Variants in FAM120B observed in about 807,000 individuals in gnomAD.
FAM120B encodes constitutive coactivator of peroxisome proliferator-activated receptor gamma.
FAM120B carries 83 observed loss-of-function variants against 96.3 expected under a neutral mutation model. The ratio of observed to expected loss-of-function variants is 0.86; its 90% CI spans 0.72 to 1.03. FAM120B has a LOEUF of 1.03. FAM120B is among the 50% of genes least tolerant of loss of function. FAM120B has a pLI of 0.00. For missense variants in FAM120B, 1,027 were observed against 1,121.2 expected, an observed-to-expected ratio of 0.92 and a Z score of 1.20; for synonymous variants, 407 against 402.7, an observed-to-expected ratio of 1.01 and a Z score of -0.13.
At position 170,391,095 on chromosome 6, in the gene FAM120B, G is replaced by C. The variant is rs544872777; in HGVS notation, c.2573G>C (p.Arg858Pro). The change falls in exon 8 of 11, where the codon CGA (arginine) becomes CCA (proline). Residue 858 changes from arginine (R) to proline (P), a missense_variant. Arg to Pro is a moderately radical substitution (Grantham distance 103, BLOSUM62 -2). Transcript: ENST00000476287. Reference sequence around the variant, plus strand: ...AAGGAGAACAGACGCATCACTGGCCGAGCCCACTGGGGCTCACACCACGCA... The same window carrying C: ...AAGGAGAACAGACGCATCACTGGCCCAGCCCACTGGGGCTCACACCACGCA... ...CMKENRRITG[R>P]AHWGSHHAGR... The C allele has an allele frequency of 6.2e-7, 1 of 1,613,940 alleles. No homozygotes were observed. Among genetic ancestry groups the C allele is most frequent in the Non-Finnish European group, 8.5e-7 (1 of 1,179,942 alleles).
rs551134300 is a variant in FAM120B, at chr6:170,345,332, G to T, written c.2018-2819G>T. Among the ~76,000 whole-genome samples, 17 of 152,284 alleles carry T rather than the reference G, an allele frequency of 1.1e-4. No homozygotes were observed. The East Asian group carries it at 2.9e-3, about 26-fold the overall frequency. ...TTCAGAACTCTAACAGGCTGGGCAC[G>T]GTGACTCATGCCTATAATCCCAGCT... On this transcript the variant is annotated intron_variant, in intron 4 of 10. Coordinates refer to ENST00000476287, the MANE Select transcript of FAM120B (RefSeq NM_032448.3).
At chr6:170,327,258 G>C (rs549493584) in intron 3 of FAM120B, among the ~76,000 whole-genome samples, 2 of 152,082 alleles carry the variant, frequency 1.3e-5, no homozygotes, top group African/African-American at 4.8e-5. Context: ...GTGTTAGCCA[G>C]GATGATCTCG....
Position 170,348,328 on chromosome 6 carries a change from T to C in FAM120B, c.2190+5T>C, listed in dbSNP as rs776594871. 2 of 1,612,134 alleles carry C rather than the reference T, an allele frequency of 1.2e-6. No individual in the cohort carries two copies. Among genetic ancestry groups the C allele is most frequent in the South Asian group, 1.1e-5 (1 of 91,008 alleles). On this transcript the variant is annotated splice_donor_5th_base_variant and intron_variant, in intron 5 of 10. Coordinates refer to ENST00000476287, the MANE Select transcript of FAM120B (RefSeq NM_032448.3). The stretch of plus-strand genomic sequence containing the variant: ...TTGATCTACCTCTTTGTCCAGGTAA[T>C]GTCCAGCTGCCCGTTCTAGTCACTG...
upstream of FAM120B, among the ~76,000 whole-genome samples, chr6:170,304,954 C>T (rs1001764419): frequency 6.6e-6 from 1 of 152,126 alleles, no homozygotes; most frequent in African/African-American, 2.4e-5. Context: ...AGATCAGGCA[C>T]CAGCATGGTT....
At chr6:170,291,107 C>T (rs1562500142), upstream of FAM120B, 1 of 680,874 alleles carries the variant, frequency 1.5e-6, no homozygotes, top group Non-Finnish European at 2.7e-6. Context: ...CCCTCCTCCC[C>T]GCCCCCACCC....
intron 7 of FAM120B, among the ~76,000 whole-genome samples, chr6:170,388,842 A>G (rs1213388447): frequency 6.6e-6 from 1 of 152,186 alleles, no homozygotes; most frequent in Non-Finnish European, 1.5e-5. Context: ...CTCCCCCAAA[A>G]CGTTACTACA....
intron 6 of FAM120B, among the ~76,000 whole-genome samples, chr6:170,374,890 A>T (rs939829942): frequency 6.6e-6 from 1 of 152,256 alleles, no homozygotes; most frequent in Non-Finnish European, 1.5e-5. Context: ...GTTTGGTGCC[A>T]TCTGTCTTTA....
At chr6:170,310,501 G>A (rs1784529608) in intron 1 of FAM120B, among the ~76,000 whole-genome samples, 1 of 152,240 alleles carries the variant, frequency 6.6e-6, no homozygotes, top group African/African-American at 2.4e-5. Context: ...GTGAAAGGCA[G>A]CTGGGATCTG....
chr6:170,340,467 AC>A (rs1291341935), intron 4 of FAM120B, among the ~76,000 whole-genome samples: 1 of 152,110 alleles, frequency 6.6e-6, no homozygotes, highest in Non-Finnish European at 1.5e-5. Context: ...GTTTGTTATT[AC>A]CCATCTTCTG....
chr6:170,290,868 G>A, upstream of FAM120B: 1 of 667,112 alleles, frequency 1.5e-6, no homozygotes, highest in South Asian at 1.6e-5. This position sits in a 1 kb window ranked among gnomAD's most constrained non-coding sequence, Gnocchi z 4.7. Flanking sequence ...GCGGCTGCCC[G>A]GGTTCCCCTG....
Position 170,317,823 on chromosome 6 carries a change from C to G in FAM120B, c.433C>G (p.Leu145Val), listed in dbSNP as rs1328475235. Residue 145 changes from leucine to valine, a missense_variant, in exon 2 of 11, where the codon CTA becomes GTA. This residue lies in a region of FAM120B where 880 missense variants were observed against 980.9 expected (regional missense o/e 0.90). Coordinates refer to ENST00000476287, the MANE Select transcript of FAM120B (RefSeq NM_032448.3). ...SGLAVFTRFA[L>V]KTLGQETLCS... ...GCTAGCTGTGTTTACACGATTTGCT[C>G]TAAAGACACTGGGCCAGGAAACTTT... The G allele has an allele frequency of 1.9e-6, 3 of 1,614,088 alleles. No homozygotes were observed. Among genetic ancestry groups the G allele is most frequent in the Non-Finnish European group, 2.5e-6 (3 of 1,180,046 alleles).
chr6:170,350,734 ACAACAT>A (rs1318885779), intron 5 of FAM120B, among the ~76,000 whole-genome samples: 1 of 146,958 alleles, frequency 6.8e-6, no homozygotes, highest in Non-Finnish European at 1.5e-5. Flanking sequence ...ACAGAAAACA[ACAACAT>A]CAACAAAAAA....
chr6:170,389,575 T>C (rs1047318014), intron 7 of FAM120B, among the ~76,000 whole-genome samples: 1 of 152,084 alleles, frequency 6.6e-6, no homozygotes, highest in Non-Finnish European at 1.5e-5. Flanking sequence ...CTTTTTTTTT[T>C]TGAAACAGGG....
chr6:170,299,993 C>T (rs1279814396), intron 1 of FAM120B, among the ~76,000 whole-genome samples: 3 of 152,222 alleles, frequency 2.0e-5, no homozygotes, highest in East Asian at 3.8e-4. Flanking sequence ...TAAAACACTT[C>T]AGCAGCATTT....
intron 6 of FAM120B, among the ~76,000 whole-genome samples, chr6:170,362,571 A>T (rs1276592085): frequency 6.6e-6 from 1 of 152,116 alleles, no homozygotes; most frequent in Non-Finnish European, 1.5e-5. Flanking sequence ...TGTACTACGT[A>T]TACTGCCGTG....
At chr6:170,403,160 C>G (rs1317049078) in intron 9 of FAM120B, among the ~76,000 whole-genome samples, 1 of 152,200 alleles carries the variant, frequency 6.6e-6, no homozygotes, top group African/African-American at 2.4e-5. Flanking sequence ...GAAGTAGTTA[C>G]AAAAGTGATA....
chr6:170,314,955 C>T (rs1229993333), intron 1 of FAM120B, among the ~76,000 whole-genome samples: 1 of 152,238 alleles, frequency 6.6e-6, no homozygotes, highest in African/African-American at 2.4e-5. Flanking sequence ...CTTGAGCAGT[C>T]CAACCAGCAA....
At chr6:170,357,176 C>T (rs924494225) in intron 5 of FAM120B, among the ~76,000 whole-genome samples, 5 of 152,106 alleles carry the variant, frequency 3.3e-5, no homozygotes, top group African/African-American at 9.7e-5. Context: ...CTTTACTTGC[C>T]GCAGAAGGTG....
rs767781719 is a variant in FAM120B at position 170,318,784 on chromosome 6, C to T, written c.1394C>T (p.Thr465Ile). The T allele has an allele frequency of 1.1e-5, 17 of 1,613,316 alleles. No homozygotes were observed. In the East Asian group the frequency reaches 2.5e-4, roughly 23 times the overall value. Residue 465 changes from threonine to isoleucine, a missense_variant, in exon 2 of 11, where the codon ACA becomes ATA. By Grantham distance (89) the Thr-to-Ile change is moderately conservative. Transcript: ENST00000476287. Reference protein sequence around the residue: ...SEPRQEVPMYTGPESRQEVPM... With the variant: ...SEPRQEVPMYIGPESRQEVPM... The stretch of plus-strand genomic sequence containing the variant: ...CCCAGGCAAGAAGTTCCCATGTATA[C>T]AGGCCCTGAATCCAGGCAAGAAGTT...
Sources: gnomAD v4.1 joint callset for allele counts (sites outside exome capture counted in the v4.1 genomes callset) on GRCh38, gnomAD v4.1.1 for gene constraint, gnomAD v4.1.1 regional missense constraint, Gnocchi (gnomAD v3.1) non-coding constraint, MANE v1.5 for transcripts, NCBI Gene and HGNC (gene_info 2026-07-23, HGNC 2026-07-21) for gene names.